The following LRFN5 variants were observed in gnomAD, a reference collection of about 807,000 sequenced individuals.
LRFN5 encodes the protein leucine-rich repeat and fibronectin type-III domain-containing protein 5.
In LRFN5, 24 loss-of-function variants were observed where a neutral mutation model predicts 45.6. The observed-to-expected ratio is 0.53, with a 90% CI of 0.38 to 0.74. LRFN5 has a LOEUF of 0.74. Among genes scored for constraint, LRFN5 ranks in the 30% least tolerant of loss-of-function variants. LRFN5 has a pLI of 0.00. For synonymous variants in LRFN5, 340 were observed against 313.8 expected (o/e 1.08, Z -0.88); for missense variants, 776 against 861.5 (o/e 0.90, Z 1.24).
intron 1 of LRFN5, among the ~76,000 whole-genome samples, chr14:41,673,660 CG>C (rs1881379210): frequency 7.1e-6 from 1 of 140,874 alleles, no homozygotes; most frequent in Non-Finnish European, 1.6e-5. Flanking sequence ...GGCAGCTGGC[CG>C]GGCAGGGGGG....
chr14:41,757,465 C>G (rs914141860), intron 1 of LRFN5, among the ~76,000 whole-genome samples: 3 of 152,222 alleles, frequency 2.0e-5, no homozygotes, highest in African/African-American at 7.2e-5. Flanking sequence ...GGTGGGCGCC[C>G]CTCCCCCAGC....
chr14:41,646,197 A>G (rs558745601), intron 1 of LRFN5, among the ~76,000 whole-genome samples: 1 of 152,312 alleles, frequency 6.6e-6, no homozygotes, highest in South Asian at 2.1e-4. Flanking sequence ...ATGGAACACT[A>G]GAAGTTATTC....
intron 1 of LRFN5, among the ~76,000 whole-genome samples, chr14:41,756,168 AG>A (rs1266393631): frequency 6.6e-6 from 1 of 152,164 alleles, no homozygotes; most frequent in African/African-American, 2.4e-5. Flanking sequence ...TTTGTGGGTA[AG>A]CCGACCTTTC....
chr14:41,898,114 C>G (rs1330581805), intron 4 of LRFN5, among the ~76,000 whole-genome samples: 1 of 151,984 alleles, frequency 6.6e-6, no homozygotes, highest in Non-Finnish European at 1.5e-5. Flanking sequence ...AATATTTGTG[C>G]TGAAAGTTTT....
At chr14:41,648,454 A>C (rs1016730163) in intron 1 of LRFN5, among the ~76,000 whole-genome samples, 1 of 152,104 alleles carries the variant, frequency 6.6e-6, no homozygotes, top group African/African-American at 2.4e-5. Flanking sequence ...ACCAAGCGAG[A>C]CTTTTGTCTC....
chr14:41,809,161 G>A (rs1277850628), intron 2 of LRFN5, among the ~76,000 whole-genome samples: 1 of 152,000 alleles, frequency 6.6e-6, no homozygotes, highest in African/African-American at 2.4e-5. Context: ...AGAAAGTAGT[G>A]TTTTAAGTGG....
rs371331079 is a variant in LRFN5, at chr14:41,832,975, C to T, written c.-20-53631C>T. ...TATATATCTGGAGAACAACATGCGG[C>T]CTTTTCTGTTTTAGATGTGGTCCAA... On this transcript the variant is annotated intron_variant, in intron 2 of 5. Coordinates refer to ENST00000298119, the MANE Select transcript of LRFN5 (RefSeq NM_152447.5). 3.5e-4 allele frequency among the ~76,000 whole-genome samples: 54 copies of T among 152,230 alleles called. 1 individual carries two copies. In the East Asian group the frequency reaches 7.2e-3, roughly 20 times the overall value.
intron 2 of LRFN5, among the ~76,000 whole-genome samples, chr14:41,856,990 A>G (rs977099891): frequency 2.0e-5 from 3 of 152,238 alleles, no homozygotes; most frequent in African/African-American, 7.2e-5. Flanking sequence ...ATGGCCAATA[A>G]TAACACTTAC....
chr14:41,818,564 T>A (rs1888001122), intron 2 of LRFN5, among the ~76,000 whole-genome samples: 1 of 151,922 alleles, frequency 6.6e-6, no homozygotes, highest in South Asian at 2.1e-4. Flanking sequence ...ATATATGCCA[T>A]CACATTTCCA....
intron 1 of LRFN5, among the ~76,000 whole-genome samples, chr14:41,733,237 A>G (rs927289043): frequency 4.6e-5 from 7 of 152,108 alleles, no homozygotes; most frequent in Non-Finnish European, 7.4e-5. Context: ...AGAGAACTCC[A>G]CGTGGGATGA....
chr14:41,854,062 G>A (rs1250723677), intron 2 of LRFN5, among the ~76,000 whole-genome samples: 2 of 152,130 alleles, frequency 1.3e-5, no homozygotes, highest in African/African-American at 4.8e-5. Flanking sequence ...ACTTGTCTGG[G>A]TTGAAGAGGT....
chr14:41,793,293 C>T (rs938784623), intron 2 of LRFN5, among the ~76,000 whole-genome samples: 2 of 151,988 alleles, frequency 1.3e-5, no homozygotes, highest in Non-Finnish European at 1.5e-5. Flanking sequence ...TGAATGCGCT[C>T]CTAAATCATA....
chr14:41,679,041 GGAGT>G (rs1409982234), intron 1 of LRFN5, among the ~76,000 whole-genome samples: 1 of 105,576 alleles, frequency 9.5e-6, no homozygotes, highest in East Asian at 4.5e-4. Flanking sequence ...TGGTGTCCAT[GGAGT>G]GAGTATTTAC....
At chr14:41,805,272 G>C (rs1268146226) in intron 2 of LRFN5, among the ~76,000 whole-genome samples, 4 of 151,096 alleles carry the variant, frequency 2.6e-5, no homozygotes, top group African/African-American at 9.7e-5. Flanking sequence ...AGGAATATTA[G>C]ATTTTTATTT....
intron 5 of LRFN5, among the ~76,000 whole-genome samples, chr14:41,901,225 T>G (rs1442991682): frequency 2.0e-5 from 3 of 152,112 alleles, no homozygotes; most frequent in Non-Finnish European, 4.4e-5. Flanking sequence ...TGCTGATAAC[T>G]CTACGTGGAA....
intron 1 of LRFN5, among the ~76,000 whole-genome samples, chr14:41,666,062 C>T (rs1880883595): frequency 6.6e-6 from 1 of 151,914 alleles, no homozygotes; most frequent in African/African-American, 2.4e-5. Context: ...TAAATTTTAA[C>T]TAGCATTCTC....
intron 2 of LRFN5, among the ~76,000 whole-genome samples, chr14:41,843,835 TAAA>T (rs1160225037): frequency 1.3e-5 from 2 of 152,036 alleles, no homozygotes; most frequent in Non-Finnish European, 1.5e-5. Flanking sequence ...AAAGGAAAGA[TAAA>T]GAAGATAAAC....
intron 2 of LRFN5, among the ~76,000 whole-genome samples, chr14:41,827,036 A>G (rs1460672149): frequency 6.6e-6 from 1 of 152,130 alleles, no homozygotes; most frequent in African/African-American, 2.4e-5. Flanking sequence ...CTCATAAGTA[A>G]CTTCAGAAAT....
intron 4 of LRFN5, among the ~76,000 whole-genome samples, chr14:41,898,197 G>T (rs1357872811): frequency 6.6e-6 from 1 of 151,888 alleles, no homozygotes; most frequent in East Asian, 1.9e-4. Context: ...TTTACTCCTA[G>T]TTTTCTATCA....
Sources: allele counts gnomAD v4.1 joint callset (sites outside exome capture counted in the v4.1 genomes callset), GRCh38; gene constraint gnomAD v4.1.1; transcripts MANE v1.5; gene names NCBI Gene and HGNC (gene_info 2026-07-23, HGNC 2026-07-21).